The following LGR5 variants were observed in gnomAD, a reference collection of about 807,000 sequenced individuals.
The protein encoded by LGR5 is leucine-rich repeat-containing G protein-coupled receptor 5.
In LGR5, 54 loss-of-function variants were observed where a neutral mutation model predicts 76.7. The ratio of observed to expected loss-of-function variants is 0.70; its 90% CI spans 0.57 to 0.88. The LOEUF is 0.88. LGR5 is among the 40% of genes least tolerant of loss of function. The pLI, the probability that LGR5 is intolerant of heterozygous loss-of-function variation, is 0.00. For missense variants in LGR5, 1,078 were observed against 1,073.3 expected (o/e 1.00, Z -0.06); for synonymous variants, 406 against 421.9 (o/e 0.96, Z 0.46).
rs190183378 is a variant in LGR5, at chr12:71,585,554, A to C, written c.*820A>C. The C allele has an allele frequency of 7.9e-5, 12 of 152,234 alleles. No individual in the cohort carries two copies. Among genetic ancestry groups the C allele is most frequent in the African/African-American group, 2.9e-4 (12 of 41,460 alleles). 9.4% of individuals were successfully genotyped at this position (152,234 alleles called of 1,614,324 possible). A position where few individuals can be genotyped will look rare whatever the true frequency, so the allele number is the denominator to read the frequency against. Reference sequence around the variant, plus strand: ...TGCCAGCAATGAACATACCTGGAAAAGAAAGTAAGCAATCTGGGATTTTTT... The same window carrying C: ...TGCCAGCAATGAACATACCTGGAAACGAAAGTAAGCAATCTGGGATTTTTT... On this transcript the variant is annotated 3_prime_UTR_variant, in exon 18 of 18. Transcript: ENST00000266674.
chr12:71,451,208 C>A (rs988669995), intron 1 of LGR5, among the ~76,000 whole-genome samples: 13 of 152,140 alleles, frequency 8.5e-5, no homozygotes, highest in Admixed American at 8.5e-4. Context: ...TTGATTACAG[C>A]TTGATGTTTG....
chr12:71,528,607 C>T (rs1054171885), intron 3 of LGR5, among the ~76,000 whole-genome samples: 3 of 152,144 alleles, frequency 2.0e-5, no homozygotes, highest in Non-Finnish European at 4.4e-5. Flanking sequence ...ACAAGAAACA[C>T]AGGATCTCAT....
At chr12:71,563,013 G>A (rs1196031422) in intron 8 of LGR5, among the ~76,000 whole-genome samples, 1 of 152,186 alleles carries the variant, frequency 6.6e-6, no homozygotes, top group African/African-American at 2.4e-5. Flanking sequence ...GCGTATTTGC[G>A]TATTAAGAGG....
At chr12:71,449,410 A>G (rs1332292888) in intron 1 of LGR5, among the ~76,000 whole-genome samples, 1 of 152,170 alleles carries the variant, frequency 6.6e-6, no homozygotes, top group African/African-American at 2.4e-5. Context: ...GAAGTTCAAG[A>G]TCTTTTTTTA....
intron 1 of LGR5, among the ~76,000 whole-genome samples, chr12:71,496,015 G>A (rs958377646): frequency 6.6e-6 from 1 of 152,152 alleles, no homozygotes; most frequent in Non-Finnish European, 1.5e-5. Flanking sequence ...TATGAGACAT[G>A]AGGAAAATGC....
rs1418398310 is a variant in LGR5, at chr12:71,585,661, A to T, written c.*927A>T. On this transcript the variant is annotated 3_prime_UTR_variant, in exon 18 of 18. Coordinates refer to ENST00000266674, the MANE Select transcript of LGR5 (RefSeq NM_003667.4). Reference sequence around the variant, plus strand: ...TGCATCTTAATGATCAAATGTGCACATTACATAAATTAAGTCCACTGATAC... The same window carrying T: ...TGCATCTTAATGATCAAATGTGCACTTTACATAAATTAAGTCCACTGATAC... 2 of 152,260 alleles carry T rather than the reference A, an allele frequency of 1.3e-5. No homozygotes were observed. Among genetic ancestry groups the T allele is most frequent in the Non-Finnish European group, 1.5e-5 (1 of 68,046 alleles). 9.4% of individuals were successfully genotyped at this position (152,260 alleles called of 1,614,324 possible). A position where few individuals can be genotyped will look rare whatever the true frequency, so the allele number is the denominator to read the frequency against.
Position 71,497,158 on chromosome 12 carries a change from A to G in LGR5, c.213-7456A>G, listed in dbSNP as rs759472278. Among the ~76,000 whole-genome samples, 59 of 152,054 alleles carry G rather than the reference A, an allele frequency of 3.9e-4. 1 individual carries two copies. The highest frequency in any genetic ancestry group is 7.5e-4 in the Non-Finnish European group (51 of 68,010). The stretch of plus-strand genomic sequence containing the variant: ...GTGAGACCTCATCTCTACGAAAAAA[A>G]AAATTAATTAGCCAAGTATGGTAGT... On this transcript the variant is annotated intron_variant, in intron 1 of 17. Coordinates refer to ENST00000266674, the MANE Select transcript of LGR5 (RefSeq NM_003667.4).
chr12:71,486,864 T>C (rs1325371736), intron 1 of LGR5, among the ~76,000 whole-genome samples: 1 of 151,994 alleles, frequency 6.6e-6, no homozygotes, highest in Non-Finnish European at 1.5e-5. Context: ...TAGAATGGAA[T>C]TTGAAAACGC....
At chr12:71,451,204 A>G (rs989559343) in intron 1 of LGR5, among the ~76,000 whole-genome samples, 1 of 152,186 alleles carries the variant, frequency 6.6e-6, no homozygotes, top group African/African-American at 2.4e-5. Flanking sequence ...TGGGTTGATT[A>G]CAGCTTGATG....
At chr12:71,571,760 AT>A (rs1878621440) in intron 12 of LGR5, among the ~76,000 whole-genome samples, 181 bp downstream of exon 12, 1 of 152,050 alleles carries the variant, frequency 6.6e-6, no homozygotes, top group South Asian at 2.1e-4. Flanking sequence ...AGATAATATT[AT>A]TTTTTCATGC....
intron 5 of LGR5, among the ~76,000 whole-genome samples, chr12:71,553,626 A>T (rs11178846): frequency 0.15 from 22,890 of 152,130 alleles, 2,382 homozygotes; most frequent in East Asian, 0.39. Flanking sequence ...TTAAAAAATA[A>T]TTGATAATTC....
intron 11 of LGR5, among the ~76,000 whole-genome samples, chr12:71,570,688 T>C (rs7976133): frequency 0.19 from 28,952 of 152,066 alleles, 3,140 homozygotes; most frequent in East Asian, 0.44. Flanking sequence ...AAATGGACTT[T>C]ATTCCTTTAT....
chr12:71,510,087 T>A lies in LGR5; in HGVS notation c.284+5402T>A, dbSNP rs139317511. 1.0e-3 allele frequency among the ~76,000 whole-genome samples: 156 copies of A among 152,280 alleles called. 1 individual carries two copies. The highest frequency in any genetic ancestry group is 3.4e-3 in the African/African-American group (143 of 41,568). ...TCTTCCTGAGGATCAAATGAAACAA[T>A]GATCAAAGAACTTTGGTAAACTATA... On this transcript the variant is annotated intron_variant, in intron 2 of 17. Coordinates refer to ENST00000266674, the MANE Select transcript of LGR5 (RefSeq NM_003667.4).
At chr12:71,570,157 G>A (rs1290842168) in intron 11 of LGR5, among the ~76,000 whole-genome samples, 3 of 152,214 alleles carry the variant, frequency 2.0e-5, no homozygotes, top group Admixed American at 6.5e-5. Context: ...GGGCCTTGCC[G>A]GGGGAGGGTG....
Position 71,583,653 on chromosome 12 carries a change from T to G in LGR5, c.1643T>G (p.Phe548Cys). 1 of 1,611,388 alleles carries G rather than the reference T, an allele frequency of 6.2e-7. No homozygotes were observed. The highest frequency in any genetic ancestry group is 8.5e-7 in the Non-Finnish European group (1 of 1,178,024). ...GCCTTCCTTGGACTTCTAGGCCCCT[T>G]CAAACCCTGTGAACACCTGCTTGAT... ...SVQCSPSPGP[F>C]KPCEHLLDGW... The change falls in exon 18 of 18, where the codon TTC becomes TGC. Residue 548 changes from phenylalanine (F) to cysteine (C), a missense_variant. Physicochemically the swap from Phe to Cys is radical, Grantham distance 205 (BLOSUM62 -2). Coordinates refer to ENST00000266674, the MANE Select transcript of LGR5 (RefSeq NM_003667.4).
chr12:71,575,565 G>T (rs1878809274), intron 13 of LGR5, among the ~76,000 whole-genome samples: 1 of 152,042 alleles, frequency 6.6e-6, no homozygotes, highest in Non-Finnish European at 1.5e-5. Context: ...AAAAAAATTA[G>T]CTGGGCATAG....
chr12:71,443,619 T>C (rs1228758526), intron 1 of LGR5, among the ~76,000 whole-genome samples: 1 of 152,216 alleles, frequency 6.6e-6, no homozygotes, highest in Non-Finnish European at 1.5e-5. Flanking sequence ...CATCTAATCT[T>C]AGTATAGGTA....
At chr12:71,511,700 A>C (rs1462992584) in intron 2 of LGR5, among the ~76,000 whole-genome samples, 1 of 152,096 alleles carries the variant, frequency 6.6e-6, no homozygotes, top group Non-Finnish European at 1.5e-5. Flanking sequence ...CCAACTATCC[A>C]TCAATACTTC....
chr12:71,577,988 A>G lies in LGR5; in HGVS notation c.1272A>G (p.Leu424=). 6.2e-7 allele frequency: 1 copy of G among 1,610,758 alleles called. No homozygotes were observed. Among genetic ancestry groups the G allele is most frequent in the Non-Finnish European group, 8.5e-7 (1 of 1,177,002 alleles). The change falls in exon 14 of 18, where the codon CTA becomes CTG. Residue 424 remains leucine (L), a synonymous_variant. Transcript: ENST00000266674. ...HPNAFSTLPS[L]IKLDLSSNLL... Reference sequence around the variant, plus strand: ...ATGCATTTTCCACTTTGCCATCCCTAATAAAGCTGTGAGTATTCCACAACT... The same window carrying G: ...ATGCATTTTCCACTTTGCCATCCCTGATAAAGCTGTGAGTATTCCACAACT...
Sources: gnomAD v4.1 joint callset for allele counts (sites outside exome capture counted in the v4.1 genomes callset) on GRCh38, gnomAD v4.1.1 for gene constraint, MANE v1.5 for transcripts, NCBI Gene and HGNC (gene_info 2026-07-23, HGNC 2026-07-21) for gene names.